The following MGST1 variants were observed in gnomAD, a reference collection of about 807,000 sequenced individuals.
The protein encoded by MGST1 is glutathione S-transferase 12.
In MGST1, 5 loss-of-function variants were observed where a neutral mutation model predicts 8.9. That is an observed-to-expected ratio of 0.56 (90% CI 0.29 to 1.19). The LOEUF (loss-of-function observed/expected upper bound fraction) is 1.19, where lower values mean the gene tolerates loss of function less well. Among genes scored for constraint, MGST1 ranks in the 50% most tolerant of loss-of-function variants. MGST1 has a pLI of 0.08. For missense variants in MGST1, 182 were observed against 187.4 expected (o/e 0.97, Z 0.17); for synonymous variants, 54 against 67.8 (o/e 0.80, Z 1.00).
At chr12:16,421,772 T>C (rs971324712) in intron 1 of MGST1, among the ~76,000 whole-genome samples, 4 of 152,176 alleles carry the variant, frequency 2.6e-5, no homozygotes, top group Non-Finnish European at 5.9e-5. Flanking sequence ...GGTCAAAGAC[T>C]GTAACCCCTG....
At chr12:16,558,338 G>A (rs1456612816) in intron 4 of MGST1, among the ~76,000 whole-genome samples, 2 of 151,972 alleles carry the variant, frequency 1.3e-5, no homozygotes, top group Non-Finnish European at 1.5e-5. Flanking sequence ...CTATGAATAT[G>A]TAATCTTTTA....
intron 1 of MGST1, among the ~76,000 whole-genome samples, chr12:16,432,883 A>G (rs2137095174): frequency 6.6e-6 from 1 of 152,114 alleles, no homozygotes. Context: ...GGCAAGTGGG[A>G]ATTTCAGGAC....
At chr12:16,359,373 C>T (rs1939884305) in intron 3 of MGST1, among the ~76,000 whole-genome samples, 1 of 152,168 alleles carries the variant, frequency 6.6e-6, no homozygotes, top group Non-Finnish European at 1.5e-5. Flanking sequence ...ATTCATCAAG[C>T]AAGAATGTTT....
chr12:16,567,760 T>C (rs1942667361), intron 4 of MGST1, among the ~76,000 whole-genome samples: 1 of 152,040 alleles, frequency 6.6e-6, no homozygotes, highest in African/African-American at 2.4e-5. Context: ...GGTAAGTTGG[T>C]ATTTTAAGAG....
chr12:16,541,711 G>A (rs1941794474), intron 4 of MGST1, among the ~76,000 whole-genome samples: 1 of 152,114 alleles, frequency 6.6e-6, no homozygotes, highest in Non-Finnish European at 1.5e-5. Context: ...TGTGATAGGA[G>A]AGAGCCAGAT....
chr12:16,520,491 C>G (rs897209186), intron 4 of MGST1, among the ~76,000 whole-genome samples: 1 of 152,032 alleles, frequency 6.6e-6, no homozygotes, highest in East Asian at 1.9e-4. Context: ...GACTGAGACT[C>G]GAAGAGCTGA....
chr12:16,356,836 T>G (rs1201936429), intron 2 of MGST1, among the ~76,000 whole-genome samples: 1 of 152,220 alleles, frequency 6.6e-6, no homozygotes. Context: ...AAGACACCTT[T>G]CCCATCCCTT....
chr12:16,550,605 A>G (rs978330629), intron 4 of MGST1: 1 of 152,334 alleles, frequency 6.6e-6, no homozygotes, highest in African/African-American at 2.4e-5. Context: ...GGGTTATAAC[A>G]AGAACACTGA....
chr12:16,449,384 G>A (rs1941110844), intron 4 of MGST1, among the ~76,000 whole-genome samples: 1 of 151,778 alleles, frequency 6.6e-6, no homozygotes. Context: ...TGAAGGATCT[G>A]CCCCAAAACC....
chr12:16,509,494 C>T lies in MGST1; in HGVS notation n.483-80034C>T, dbSNP rs117082810. 1.0e-2 allele frequency among the ~76,000 whole-genome samples: 1,520 copies of T among 152,284 alleles called. 9 individuals are homozygous for T. Among genetic ancestry groups the T allele is most frequent in the Middle Eastern group, 0.024 (7 of 294 alleles). ...TAAACACTATAGCTTTAGTCATGCA[C>T]AACTAGGGAACTAGAAGACTAAAGA... On this transcript the variant is annotated intron_variant and non_coding_transcript_variant, in intron 4 of 4. Coordinates refer to the MGST1 transcript ENST00000538857.
intron 1 of MGST1, among the ~76,000 whole-genome samples, chr12:16,349,822 G>C (rs1223828176): frequency 6.8e-6 from 1 of 146,382 alleles, no homozygotes; most frequent in Non-Finnish European, 1.5e-5. Context: ...TCAGCTCACT[G>C]CAAACTCCGC....
chr12:16,469,929 G>T (rs190183604), intron 4 of MGST1, among the ~76,000 whole-genome samples: 1 of 152,276 alleles, frequency 6.6e-6, no homozygotes, highest in Non-Finnish European at 1.5e-5. Flanking sequence ...GAAAGAGATT[G>T]TTTCATATTT....
chr12:16,450,016 C>T (rs1020683548), intron 4 of MGST1, among the ~76,000 whole-genome samples: 1 of 151,954 alleles, frequency 6.6e-6, no homozygotes. Flanking sequence ...TCAAGAGTTC[C>T]CTGAGTAAAG....
chr12:16,518,254 A>C (rs1373023592), intron 4 of MGST1, among the ~76,000 whole-genome samples: 1 of 152,128 alleles, frequency 6.6e-6, no homozygotes, highest in Non-Finnish European at 1.5e-5. Flanking sequence ...TAACTTATCA[A>C]GGTTGTCTCT....
chr12:16,396,683 A>G (rs1940609457), intron 1 of MGST1, among the ~76,000 whole-genome samples: 1 of 152,080 alleles, frequency 6.6e-6, no homozygotes, highest in Non-Finnish European at 1.5e-5. Context: ...ACTCCTCTTA[A>G]AATAGCTGCA....
chr12:16,446,243 CCAAA>C (rs768469742), intron 4 of MGST1, among the ~76,000 whole-genome samples: 13 of 151,836 alleles, frequency 8.6e-5, no homozygotes, highest in Non-Finnish European at 1.3e-4. Flanking sequence ...GTAGAATTAT[CCAAA>C]CAAATAGCTA....
In MGST1 at chr12:16,576,565, T is replaced by C. The variant is rs1943001592; in HGVS notation, n.483-12963T>C. Among the ~76,000 whole-genome samples the C allele has an allele frequency of 6.6e-6, 1 of 152,198 alleles. No homozygotes were observed. Among genetic ancestry groups the C allele is most frequent in the Non-Finnish European group, 1.5e-5 (1 of 68,032 alleles). ...TTGTTTTCATATACTACTTCATCTT[T>C]CAGAATCTGTATCAGTTACGTACCT... On this transcript the variant is annotated intron_variant and non_coding_transcript_variant, in intron 4 of 4. Coordinates refer to the MGST1 transcript ENST00000538857. The surrounding 1 kb of genome is among the most constrained non-coding windows in gnomAD (Gnocchi z 4.1).
intron 1 of MGST1, chr12:16,400,680 T>G (rs1940647310): frequency 6.7e-7 from 1 of 1,499,238 alleles, no homozygotes; most frequent in Non-Finnish European, 9.3e-7. Flanking sequence ...TTGCCTTCAT[T>G]CCTGCCCAGA....
chr12:16,483,042 C>T (rs1941375378), intron 4 of MGST1, among the ~76,000 whole-genome samples: 1 of 152,180 alleles, frequency 6.6e-6, no homozygotes, highest in South Asian at 2.1e-4. Context: ...GCTTATTTAA[C>T]ATTTAAATGC....
Sources: allele counts gnomAD v4.1 joint callset (sites outside exome capture counted in the v4.1 genomes callset), GRCh38; gene constraint gnomAD v4.1.1; non-coding constraint Gnocchi (gnomAD v3.1); transcripts MANE v1.5; gene names NCBI Gene and HGNC (gene_info 2026-07-23, HGNC 2026-07-21).